The following GLT1D1 variants were observed in gnomAD, a reference collection of about 807,000 sequenced individuals.
The protein encoded by GLT1D1 is glycosyltransferase 1 domain-containing protein 1.
GLT1D1 carries 21 observed loss-of-function variants against 28.7 expected under a neutral mutation model. That is an observed-to-expected ratio of 0.73 (90% CI 0.52 to 1.05). The LOEUF (loss-of-function observed/expected upper bound fraction) is 1.05. GLT1D1 is among the 50% of genes least tolerant of loss of function. GLT1D1 has a pLI of 0.00. For synonymous variants in GLT1D1, 147 were observed against 124.8 expected, an observed-to-expected ratio of 1.18 and a Z score of -1.19; for missense variants, 343 against 330.6, an observed-to-expected ratio of 1.04 and a Z score of -0.29.
intron 1 of GLT1D1, among the ~76,000 whole-genome samples, chr12:128,856,161 C>T (rs925867297): frequency 3.9e-5 from 6 of 152,182 alleles, no homozygotes; most frequent in African/African-American, 1.2e-4. Flanking sequence ...CATTTCCATG[C>T]ATTTGCAAAC....
Position 128,975,648 on chromosome 12 carries a change from C to T in GLT1D1, c.640-7281C>T, listed in dbSNP as rs528311515. On this transcript the variant is annotated intron_variant, in intron 7 of 7. Coordinates refer to ENST00000281703, the MANE Select transcript of GLT1D1 (RefSeq NM_144669.3). ...GTGTTTTTTAGTAGAGACAGGGTTT[C>T]ACCATGTTGGCCAGGCTGGGCTTGA... Among the ~76,000 whole-genome samples, 6 of 152,184 alleles carry T rather than the reference C, an allele frequency of 3.9e-5. No individual in the cohort carries two copies. In the East Asian group the frequency reaches 7.8e-4, roughly 20 times the overall value.
Position 128,926,457 on chromosome 12 carries a change from G to A in GLT1D1, c.376-18869G>A. On this transcript the variant is annotated intron_variant, in intron 4 of 7. Transcript: ENST00000281703. ...CTATCTGGTGGACGCATTTTCAGGT[G>A]TGTTTGCTGGCTACCTTCCTCCACT... The A allele has an allele frequency of 6.8e-7, 1 of 1,464,790 alleles. No individual in the cohort carries two copies. The highest frequency in any genetic ancestry group is 9.2e-7 in the Non-Finnish European group (1 of 1,082,800). The allele number at this position is 1,464,790 out of a possible 1,614,324, so 90.7% of individuals were successfully genotyped here.
intron 4 of GLT1D1, among the ~76,000 whole-genome samples, chr12:128,935,514 C>T (rs2135468048): frequency 6.8e-6 from 1 of 148,100 alleles, no homozygotes; most frequent in East Asian, 2.0e-4. Context: ...GCACTCCAGC[C>T]TGGGTGACAG....
intron 3 of GLT1D1, among the ~76,000 whole-genome samples, chr12:128,891,128 T>C (rs892278021): frequency 6.6e-6 from 1 of 150,582 alleles, no homozygotes; most frequent in African/African-American, 2.4e-5. Flanking sequence ...ATTTAATTAA[T>C]TAAAAAAATA....
chr12:128,978,934 A>G (rs1385086132), intron 7 of GLT1D1, among the ~76,000 whole-genome samples: 1 of 152,128 alleles, frequency 6.6e-6, no homozygotes, highest in Non-Finnish European at 1.5e-5. Context: ...GGTCATGCTC[A>G]TCGTCCTCTT....
intron 2 of GLT1D1, among the ~76,000 whole-genome samples, chr12:128,884,136 T>C (rs1253213056): frequency 2.0e-5 from 3 of 152,220 alleles, no homozygotes; most frequent in Non-Finnish European, 4.4e-5. Context: ...GCAGCACTAT[T>C]CAAAACAGGC....
intron 4 of GLT1D1, among the ~76,000 whole-genome samples, chr12:128,937,331 T>C (rs1361696287): frequency 6.6e-6 from 1 of 152,172 alleles, no homozygotes; most frequent in Non-Finnish European, 1.5e-5. Context: ...ATCATTCTTT[T>C]TGCAGATCTT....
intron 1 of GLT1D1, among the ~76,000 whole-genome samples, chr12:128,855,412 A>T (rs1358989343): frequency 1.3e-5 from 2 of 151,818 alleles, no homozygotes; most frequent in East Asian, 1.9e-4. Context: ...AAAAAAATTT[A>T]AAAATTAGCT....
intron 1 of GLT1D1, chr12:128,864,290 G>A (rs1324386464): frequency 2.3e-6 from 1 of 440,624 alleles, no homozygotes; most frequent in Admixed American, 4.0e-5. Flanking sequence ...CCTGCACTAG[G>A]GGTGGGGCAA....
At chr12:128,975,427 A>G (rs545842606) in intron 7 of GLT1D1, among the ~76,000 whole-genome samples, 7 of 150,726 alleles carry the variant, frequency 4.6e-5, no homozygotes, top group Non-Finnish European at 1.0e-4. Context: ...CATCTGCAGA[A>G]GATTCCCATA....
intron 4 of GLT1D1, among the ~76,000 whole-genome samples, chr12:128,903,291 C>T (rs1011759906): frequency 2.6e-5 from 4 of 151,716 alleles, no homozygotes; most frequent in Admixed American, 2.6e-4. Context: ...AGGCCTGTCT[C>T]CATGGGGTCT....
intron 4 of GLT1D1, among the ~76,000 whole-genome samples, chr12:128,917,857 CT>C (rs1872258987): frequency 6.6e-6 from 1 of 152,126 alleles, no homozygotes; most frequent in Non-Finnish European, 1.5e-5. Flanking sequence ...AATAAGAACG[CT>C]TTTACCCTGT....
chr12:128,878,145 C>T (rs1478142454), intron 2 of GLT1D1, among the ~76,000 whole-genome samples: 2 of 152,166 alleles, frequency 1.3e-5, no homozygotes, highest in Admixed American at 1.3e-4. Context: ...TGTGAGAGGG[C>T]ACTACACAGA....
chr12:128,866,227 C>A (rs1391516369), intron 1 of GLT1D1, among the ~76,000 whole-genome samples: 1 of 146,346 alleles, frequency 6.8e-6, no homozygotes. Flanking sequence ...TGCCACCATG[C>A]GTGGCTAATT....
chr12:128,948,967 G>A (rs2135497762), intron 6 of GLT1D1, among the ~76,000 whole-genome samples: 1 of 152,050 alleles, frequency 6.6e-6, no homozygotes, highest in East Asian at 1.9e-4. Context: ...CAAAGTGTGA[G>A]TTTGTAACGT....
chr12:128,954,565 T>G (rs777474974), intron 6 of GLT1D1, among the ~76,000 whole-genome samples: 2 of 152,198 alleles, frequency 1.3e-5, no homozygotes, highest in Non-Finnish European at 2.9e-5. Context: ...CTATAAAACT[T>G]ACTGAGTCAG....
intron 4 of GLT1D1, among the ~76,000 whole-genome samples, chr12:128,901,715 G>T (rs867496150): frequency 1.3e-5 from 2 of 151,064 alleles, no homozygotes; most frequent in South Asian, 4.2e-4. Context: ...GATTACAGGC[G>T]TGAGCCACCA....
intron 2 of GLT1D1, among the ~76,000 whole-genome samples, chr12:128,879,462 T>C (rs187106369): frequency 0.023 from 1,989 of 85,478 alleles, 22 homozygotes; most frequent in Middle Eastern, 0.04. Context: ...TTCTTTCTTT[T>C]TTTTGGGGGG....
chr12:128,978,075 G>C (rs973346314), intron 7 of GLT1D1, among the ~76,000 whole-genome samples: 1 of 151,552 alleles, frequency 6.6e-6, no homozygotes, highest in African/African-American at 2.4e-5. Flanking sequence ...ATGAGTCCCC[G>C]CACCCGGCCT....
Sources: allele counts gnomAD v4.1 joint callset (sites outside exome capture counted in the v4.1 genomes callset), GRCh38; gene constraint gnomAD v4.1.1; transcripts MANE v1.5; gene names NCBI Gene and HGNC (gene_info 2026-07-23, HGNC 2026-07-21).